The following PTDSS1 variants were observed in gnomAD, a reference collection of about 807,000 sequenced individuals.
PTDSS1 encodes the protein phosphatidylserine synthase 1, also known as PSS-1.
Under a neutral mutation model 70.5 loss-of-function variants are expected in PTDSS1, and 45 were observed. The observed-to-expected ratio is 0.64, with a 90% confidence interval of 0.50 to 0.82. PTDSS1 has a LOEUF of 0.82. Ranked by LOEUF, PTDSS1 falls within the 40% of genes least tolerant of loss-of-function variation. The pLI is 0.00. For synonymous variants in PTDSS1, 188 were observed against 203.8 expected, an observed-to-expected ratio of 0.92 and a Z score of 0.66; for missense variants, 417 against 586.1, an observed-to-expected ratio of 0.71 and a Z score of 2.98.
chr8:96,324,663 A>G (rs981918305), intron 10 of PTDSS1, among the ~76,000 whole-genome samples: 1 of 152,210 alleles, frequency 6.6e-6, no homozygotes, highest in Non-Finnish European at 1.5e-5. Context: ...GAATCCATTC[A>G]TGAGGGCTTT....
At chr8:96,321,512 A>T (rs577046887) in intron 10 of PTDSS1, among the ~76,000 whole-genome samples, 21 of 152,286 alleles carry the variant, frequency 1.4e-4, no homozygotes, top group Admixed American at 9.8e-4. Context: ...CTCGTAATTT[A>T]TCGGTTGAAG....
At position 96,334,182 on chromosome 8, in the gene PTDSS1, C is replaced by T. The variant is rs998758503; in HGVS notation, c.*616C>T. On this transcript the variant is annotated 3_prime_UTR_variant, in exon 13 of 13. Coordinates refer to ENST00000517309, the MANE Select transcript of PTDSS1 (RefSeq NM_014754.3). ...GTGTTGTATTCCTGTTTGGTAACCT[C>T]AGTCTCCTGTAAGACCTCCTACCAC... 7.2e-5 allele frequency: 14 copies of T among 194,758 alleles called. No homozygotes were observed. The highest frequency in any genetic ancestry group is 1.5e-4 in the Non-Finnish European group (14 of 95,730). The allele number at this position is 194,758 out of a possible 1,614,324, so 12.1% of individuals were successfully genotyped here.
intron 5 of PTDSS1, among the ~76,000 whole-genome samples, chr8:96,296,125 T>C (rs1810971278): frequency 1.4e-5 from 2 of 146,292 alleles, no homozygotes. Context: ...TGAGCCTTCA[T>C]GGTGTTCTTT....
chr8:96,307,425 C>G (rs1210701134), intron 8 of PTDSS1, among the ~76,000 whole-genome samples: 1 of 123,694 alleles, frequency 8.1e-6, no homozygotes, highest in Non-Finnish European at 1.6e-5. Flanking sequence ...GCCAGCACCT[C>G]TTCTTGTCAT....
At chr8:96,304,988 G>T (rs183989471) in intron 7 of PTDSS1, among the ~76,000 whole-genome samples, 3 of 152,208 alleles carry the variant, frequency 2.0e-5, no homozygotes, top group Admixed American at 6.5e-5. Context: ...AATGCCCATC[G>T]CAATAAATGA....
chr8:96,308,705 C>T (rs1327470259), intron 8 of PTDSS1, among the ~76,000 whole-genome samples: 2 of 152,286 alleles, frequency 1.3e-5, no homozygotes, highest in East Asian at 1.9e-4. Flanking sequence ...TAAAATACCT[C>T]ATTATAATGT....
At chr8:96,298,690 G>A (rs1346806390) in intron 5 of PTDSS1, among the ~76,000 whole-genome samples, 1 of 152,136 alleles carries the variant, frequency 6.6e-6, no homozygotes, top group African/African-American at 2.4e-5. Flanking sequence ...CAGTCAGAAT[G>A]AATGTTTTTT....
intron 4 of PTDSS1, among the ~76,000 whole-genome samples, chr8:96,292,936 T>C (rs1810927600): frequency 6.6e-6 from 1 of 152,100 alleles, no homozygotes; most frequent in Admixed American, 6.6e-5. Context: ...AGAGGTTGGA[T>C]CTCTTTCTTC....
intron 4 of PTDSS1, among the ~76,000 whole-genome samples, chr8:96,292,289 CAAAAAAAAAAA>C (rs34282078): frequency 3.4e-5 from 3 of 87,858 alleles, no homozygotes; most frequent in South Asian, 8.7e-4. Flanking sequence ...AACGCTGTCT[CAAAAAAAAAAA>C]AAAAAAAAAA....
chr8:96,292,282 G>A (rs1215434469), intron 4 of PTDSS1, among the ~76,000 whole-genome samples: 3 of 115,584 alleles, frequency 2.6e-5, no homozygotes, highest in Admixed American at 1.1e-4. Flanking sequence ...CCTAGGCAAC[G>A]CTGTCTCAAA....
intron 10 of PTDSS1, among the ~76,000 whole-genome samples, chr8:96,322,805 G>A (rs7822356): frequency 0.017 from 2,545 of 152,194 alleles, 67 homozygotes; most frequent in African/African-American, 0.057. Flanking sequence ...GGCACAATTC[G>A]TCCTGAGGTG....
chr8:96,320,976 A>G (rs1356663447), intron 10 of PTDSS1, among the ~76,000 whole-genome samples: 2 of 152,232 alleles, frequency 1.3e-5, no homozygotes, highest in South Asian at 4.1e-4. Context: ...TGTAACTGCC[A>G]TTCTTCATTT....
At chr8:96,270,494 G>A (rs1012814930) in intron 1 of PTDSS1, among the ~76,000 whole-genome samples, 3 of 152,178 alleles carry the variant, frequency 2.0e-5, no homozygotes, top group Admixed American at 2.0e-4. Context: ...CAGGCATTCT[G>A]TTCTTTTTGT....
At chr8:96,328,714 C>T (rs113743224) in intron 10 of PTDSS1, among the ~76,000 whole-genome samples, 2 of 152,162 alleles carry the variant, frequency 1.3e-5, no homozygotes, top group South Asian at 4.1e-4. Context: ...GTGTATCCAG[C>T]AGCTGCCAGG....
chr8:96,333,399 G>A, intron 12 of PTDSS1, 58 bp from the exon 13 acceptor site: 1 of 1,499,004 alleles, frequency 6.7e-7, no homozygotes, highest in Non-Finnish European at 9.3e-7. Context: ...GTCTGGAAAG[G>A]GACAGTCACC....
At chr8:96,267,243 C>G (rs1039175148) in intron 1 of PTDSS1, among the ~76,000 whole-genome samples, 1 of 152,218 alleles carries the variant, frequency 6.6e-6, no homozygotes, top group African/African-American at 2.4e-5. Flanking sequence ...TTCCTCAGCC[C>G]TGGCATCCCA....
intron 10 of PTDSS1, among the ~76,000 whole-genome samples, chr8:96,328,259 C>G (rs866417379): frequency 2.0e-5 from 3 of 152,208 alleles, no homozygotes; most frequent in Non-Finnish European, 4.4e-5. Context: ...CTAACCCCCC[C>G]AGTCCGCTGT....
intron 10 of PTDSS1, among the ~76,000 whole-genome samples, chr8:96,329,827 C>T (rs956484104): frequency 2.0e-5 from 3 of 152,302 alleles, no homozygotes; most frequent in Middle Eastern, 3.4e-3. Flanking sequence ...GTCCTCTTAG[C>T]GCTCTCCTGT....
chr8:96,291,497 C>T (rs952710016), intron 4 of PTDSS1, among the ~76,000 whole-genome samples: 48 of 147,762 alleles, frequency 3.2e-4, no homozygotes, highest in Non-Finnish European at 4.4e-4. Context: ...GTGAACAGTA[C>T]GCAGTGAGTG....
Sources: allele counts gnomAD v4.1 joint callset (sites outside exome capture counted in the v4.1 genomes callset), GRCh38; gene constraint gnomAD v4.1.1; transcripts MANE v1.5; gene names NCBI Gene and HGNC (gene_info 2026-07-23, HGNC 2026-07-21).